GPC6: variants seen among roughly 807,000 people sequenced by gnomAD.
GPC6 encodes glypican-6.
In GPC6, 14 loss-of-function variants were observed where a neutral mutation model predicts 55.2. That is an observed-to-expected ratio of 0.25 (90% CI 0.17 to 0.40). The LOEUF is 0.40. GPC6 is among the 10% of genes least tolerant of loss of function. The pLI is 1.00. For synonymous variants in GPC6, 278 were observed against 259.6 expected (o/e 1.07, Z -0.68); for missense variants, 641 against 708.5 (o/e 0.90, Z 1.08).
chr13:93,425,855 C>G (rs1877106159), intron 1 of GPC6, among the ~76,000 whole-genome samples: 1 of 152,208 alleles, frequency 6.6e-6, no homozygotes, highest in Admixed American at 6.5e-5. Flanking sequence ...ACAGACAGCT[C>G]TGGCTGCAGC....
intron 2 of GPC6, among the ~76,000 whole-genome samples, chr13:93,786,736 C>T (rs973344508): frequency 6.7e-5 from 10 of 150,082 alleles, no homozygotes; most frequent in African/African-American, 2.5e-4. Context: ...TGTGACTAAG[C>T]ACCTAGAGTA....
At chr13:93,813,366 C>T (rs12429919) in intron 2 of GPC6, among the ~76,000 whole-genome samples, 57,635 of 151,766 alleles carry the variant, frequency 0.38, 11,799 homozygotes, top group African/African-American at 0.52. Context: ...TGCAGTGAGC[C>T]GAGATCATGC....
chr13:94,014,125 C>T (rs1882361958), intron 3 of GPC6, among the ~76,000 whole-genome samples: 1 of 152,076 alleles, frequency 6.6e-6, no homozygotes, highest in African/African-American at 2.4e-5. Context: ...CTCAATGGTA[C>T]AAGATGGAGA....
At chr13:94,099,457 A>G (rs1171960120) in intron 4 of GPC6, among the ~76,000 whole-genome samples, 1 of 152,138 alleles carries the variant, frequency 6.6e-6, no homozygotes, top group Non-Finnish European at 1.5e-5. Context: ...CTGAAGGTGT[A>G]TATAGGAGAC....
chr13:94,047,352 T>C (rs1368973630), intron 4 of GPC6, among the ~76,000 whole-genome samples: 1 of 152,078 alleles, frequency 6.6e-6, no homozygotes, highest in Admixed American at 6.6e-5. Flanking sequence ...GCCGGTTTGC[T>C]GAATACACTG....
At chr13:93,675,218 C>T (rs1881540589) in intron 2 of GPC6, among the ~76,000 whole-genome samples, 1 of 152,060 alleles carries the variant, frequency 6.6e-6, no homozygotes, top group South Asian at 2.1e-4. Flanking sequence ...TCCAGTGCTT[C>T]TCCAAACTCT....
chr13:94,234,784 G>A (rs1890828609), intron 4 of GPC6, among the ~76,000 whole-genome samples: 1 of 152,086 alleles, frequency 6.6e-6, no homozygotes, highest in Admixed American at 6.6e-5. Context: ...GACAAAAGCT[G>A]TGTGTTTTAA....
intron 1 of GPC6, among the ~76,000 whole-genome samples, chr13:93,489,133 G>A (rs905137058): frequency 2.0e-5 from 3 of 151,452 alleles, no homozygotes; most frequent in Non-Finnish European, 4.4e-5. Flanking sequence ...AATCCATCTT[G>A]AATTAATTTT....
At chr13:93,848,529 A>T (rs894441653) in intron 3 of GPC6, among the ~76,000 whole-genome samples, 1 of 151,846 alleles carries the variant, frequency 6.6e-6, no homozygotes, top group African/African-American at 2.4e-5. Flanking sequence ...ATCAAATACC[A>T]CTTTGATGAG....
At chr13:93,577,311 G>A (rs1168523739) in intron 2 of GPC6, among the ~76,000 whole-genome samples, 3 of 152,044 alleles carry the variant, frequency 2.0e-5, no homozygotes, top group Non-Finnish European at 2.9e-5. Context: ...AGTGGAAAAG[G>A]GAACATTCTT....
At chr13:93,259,278 G>T (rs1251689845) in intron 1 of GPC6, among the ~76,000 whole-genome samples, 1 of 152,118 alleles carries the variant, frequency 6.6e-6, no homozygotes, top group Non-Finnish European at 1.5e-5. Flanking sequence ...CCTCATGTTA[G>T]AGCAGCTCTA....
Position 94,061,346 on chromosome 13 carries a change from A to G in GPC6, c.877+33452A>G, listed in dbSNP as rs144738804. 2.5e-3 allele frequency among the ~76,000 whole-genome samples: 387 copies of G among 152,314 alleles called. 1 individual carries two copies. The highest frequency in any genetic ancestry group is 9.0e-3 in the African/African-American group (373 of 41,576). ...TTTATTTTTATATGAAAGAAACACA[A>G]TTTATTAAACAAGACAAGAAAGCAG... On this transcript the variant is annotated intron_variant, in intron 4 of 8. Coordinates refer to ENST00000377047, the MANE Select transcript of GPC6 (RefSeq NM_005708.5).
At chr13:94,322,036 C>T (rs1876853693) in intron 6 of GPC6, among the ~76,000 whole-genome samples, 1 of 152,178 alleles carries the variant, frequency 6.6e-6, no homozygotes, top group South Asian at 2.1e-4. Context: ...TATGGTTTTG[C>T]TGTATCTCCA....
chr13:93,613,916 G>A (rs1161852895), intron 2 of GPC6, among the ~76,000 whole-genome samples: 1 of 152,122 alleles, frequency 6.6e-6, no homozygotes. Context: ...TCTTTTCATG[G>A]TGGCCCATAA....
chr13:93,754,899 C>T (rs1007559656), intron 2 of GPC6, among the ~76,000 whole-genome samples: 5 of 152,054 alleles, frequency 3.3e-5, no homozygotes, highest in Admixed American at 3.3e-4. Context: ...TACAGATCTT[C>T]GGGAACTCCT....
intron 2 of GPC6, among the ~76,000 whole-genome samples, chr13:93,615,874 A>G (rs1878695863): frequency 6.6e-6 from 1 of 152,142 alleles, no homozygotes; most frequent in African/African-American, 2.4e-5. Flanking sequence ...TGCAATGACT[A>G]CATGAGCTAA....
At position 93,733,202 on chromosome 13, in the gene GPC6, T is replaced by C. The variant is rs1883889404; in HGVS notation, c.320-96952T>C. Among the ~76,000 whole-genome samples the C allele has an allele frequency of 2.6e-5, 4 of 152,122 alleles. No homozygotes were observed. The South Asian group carries it at 8.3e-4, about 32-fold the overall frequency. Reference sequence around the variant, plus strand: ...CTCATCTTACTGTGACTCAAAACTCTCAAAATATGAAAGAATCATCTGATA... The same window carrying C: ...CTCATCTTACTGTGACTCAAAACTCCCAAAATATGAAAGAATCATCTGATA... On this transcript the variant is annotated intron_variant, in intron 2 of 8. Coordinates refer to ENST00000377047, the MANE Select transcript of GPC6 (RefSeq NM_005708.5).
chr13:93,845,327 G>A (rs1481107874), intron 3 of GPC6, among the ~76,000 whole-genome samples: 7 of 149,824 alleles, frequency 4.7e-5, no homozygotes, highest in Admixed American at 2.0e-4. Context: ...AAAATGTCAG[G>A]AAACAACAGG....
intron 4 of GPC6, among the ~76,000 whole-genome samples, chr13:94,240,361 C>A (rs1441257094): frequency 6.6e-6 from 1 of 152,092 alleles, no homozygotes; most frequent in Non-Finnish European, 1.5e-5. Context: ...ACTTGGCATC[C>A]TCCAGACACA....
Sources: allele counts gnomAD v4.1 joint callset (sites outside exome capture counted in the v4.1 genomes callset), GRCh38; gene constraint gnomAD v4.1.1; transcripts MANE v1.5; gene names NCBI Gene and HGNC (gene_info 2026-07-23, HGNC 2026-07-21).